Variants in CACNA1D observed in about 807,000 individuals in gnomAD.
CACNA1D encodes the protein voltage-dependent L-type calcium channel subunit alpha-1D.
CACNA1D carries 55 observed loss-of-function variants against 257.1 expected under a neutral mutation model. The ratio of observed to expected loss-of-function variants is 0.21; its 90% CI spans 0.17 to 0.27. CACNA1D has a LOEUF of 0.27. Among genes scored for constraint, CACNA1D ranks in the 10% least tolerant of loss-of-function variants. The pLI, the probability that CACNA1D is intolerant of heterozygous loss-of-function variation, is 1.00. For synonymous variants in CACNA1D, 980 were observed against 1,014.9 expected (o/e 0.97, Z 0.65); for missense variants, 1,876 against 2,784.0 (o/e 0.67, Z 7.34).
intron 3 of CACNA1D, among the ~76,000 whole-genome samples, chr3:53,583,356 G>A (rs2093163076): frequency 6.6e-6 from 1 of 152,016 alleles, no homozygotes; most frequent in Non-Finnish European, 1.5e-5. Flanking sequence ...GATAAGCCTT[G>A]GCATGTCCTG....
intron 8 of CACNA1D, among the ~76,000 whole-genome samples, chr3:53,700,093 TATA>T (rs1166283846): frequency 6.8e-6 from 1 of 148,084 alleles, no homozygotes; most frequent in Non-Finnish European, 1.5e-5. Flanking sequence ...AAAAATAAAA[TATA>T]ATTATATAAT....
intron 8 of CACNA1D, among the ~76,000 whole-genome samples, chr3:53,692,521 T>TA (rs945410577): frequency 1.3e-5 from 2 of 152,074 alleles, no homozygotes; most frequent in African/African-American, 4.8e-5. Context: ...CATGACCAGA[T>TA]AGGTGGTGCA....
chr3:53,650,665 G>T, intron 3 of CACNA1D, 114 bp from the exon 4 acceptor site: 1 of 1,094,380 alleles, frequency 9.1e-7, no homozygotes, highest in Non-Finnish European at 1.4e-6. Flanking sequence ...AACTTTGTTT[G>T]GAGGGAAATG....
Position 53,622,615 on chromosome 3 carries a change from T to A in CACNA1D, c.484-28164T>A, listed in dbSNP as rs187538447. ...AGGGCAACAACACACACTGGGTCCTTTTGGAGGTTGGAGGGTAGGGGGCGG... is the reference window on the plus strand; with the variant it reads ...AGGGCAACAACACACACTGGGTCCTATTGGAGGTTGGAGGGTAGGGGGCGG... On this transcript the variant is annotated intron_variant, in intron 3 of 47. Transcript: ENST00000350061. Among the ~76,000 whole-genome samples, 47 of 152,110 alleles carry A rather than the reference T, an allele frequency of 3.1e-4. No homozygotes were observed. The East Asian group carries it at 7.7e-3, about 25-fold the overall frequency.
At chr3:53,696,316 C>T (rs1038170764) in intron 8 of CACNA1D, among the ~76,000 whole-genome samples, 1 of 152,230 alleles carries the variant, frequency 6.6e-6, no homozygotes, top group African/African-American at 2.4e-5. Context: ...CCTTCTCCTT[C>T]CTCTGCTCCT....
chr3:53,621,034 C>T (rs2093691340), intron 3 of CACNA1D, among the ~76,000 whole-genome samples: 1 of 152,222 alleles, frequency 6.6e-6, no homozygotes, highest in Non-Finnish European at 1.5e-5. Flanking sequence ...AAACCTCAGA[C>T]ACAGCCTGAA....
chr3:53,697,435 G>A (rs989010584), intron 8 of CACNA1D, among the ~76,000 whole-genome samples: 1 of 152,226 alleles, frequency 6.6e-6, no homozygotes, highest in Admixed American at 6.5e-5. Flanking sequence ...GAAATGGACA[G>A]ACAACATTGT....
At chr3:53,612,424 C>T (rs1366403928) in intron 3 of CACNA1D, among the ~76,000 whole-genome samples, 1 of 152,168 alleles carries the variant, frequency 6.6e-6, no homozygotes, top group Non-Finnish European at 1.5e-5. Context: ...TTAGGATCAC[C>T]TTTTAGGGTC....
chr3:53,594,334 C>T (rs1025105594), intron 3 of CACNA1D, among the ~76,000 whole-genome samples: 1 of 152,180 alleles, frequency 6.6e-6, no homozygotes, highest in Non-Finnish European at 1.5e-5. Context: ...ATTACTGAGA[C>T]TAGAGTCAGG....
At position 53,803,513 on chromosome 3, in the gene CACNA1D, G is replaced by C. The variant is rs770455418; in HGVS notation, c.5526G>C (p.Glu1842Asp). The C allele has an allele frequency of 6.2e-7, 1 of 1,613,870 alleles. No individual in the cohort carries two copies. The highest frequency in any genetic ancestry group is 8.5e-7 in the Non-Finnish European group (1 of 1,179,716). The stretch of plus-strand genomic sequence containing the variant: ...TCAGGGACCCCCACTGCTTGGGGGA[G>C]CAGGAGTATTTCAGTAGTGAGGAAT... Reference protein sequence around the residue: ...GYFRDPHCLGEQEYFSSEECY... With the variant: ...GYFRDPHCLGDQEYFSSEECY... The change falls in exon 44 of 48, where the codon GAG (glutamate) becomes GAC (aspartate). Residue 1842 changes from glutamate (E) to aspartate (D), a missense_variant. Physicochemically the swap from Glu to Asp is conservative, Grantham distance 45 (BLOSUM62 2). Coordinates refer to ENST00000350061, the MANE Select transcript of CACNA1D (RefSeq NM_001128840.3).
chr3:53,770,391 A>G (rs897118140), intron 31 of CACNA1D, 33 bp from the exon 32 acceptor site: 2 of 1,609,304 alleles, frequency 1.2e-6, no homozygotes, highest in Non-Finnish European at 1.7e-6. Flanking sequence ...TCTACTTTCC[A>G]TTGGGTTTGA....
intron 3 of CACNA1D, among the ~76,000 whole-genome samples, chr3:53,566,060 T>C (rs941628701): frequency 8.5e-5 from 13 of 152,234 alleles, no homozygotes; most frequent in African/African-American, 3.1e-4. Flanking sequence ...CCTTTTCCAA[T>C]CTGGGTGGCC....
At chr3:53,710,304 G>C (rs919426746) in intron 9 of CACNA1D, 4 of 433,022 alleles carry the variant, frequency 9.2e-6, no homozygotes, top group Admixed American at 7.4e-5. Context: ...AGGCAACCTG[G>C]CTGGCAGGGC....
chr3:53,703,546 C>T (rs1244290111), intron 9 of CACNA1D, among the ~76,000 whole-genome samples: 1 of 152,196 alleles, frequency 6.6e-6, no homozygotes, highest in East Asian at 1.9e-4. Context: ...CCCTTTGTGC[C>T]TCGGGTCAGA....
chr3:53,526,354 A>T (rs1313636161), intron 3 of CACNA1D, among the ~76,000 whole-genome samples: 1 of 152,166 alleles, frequency 6.6e-6, no homozygotes, highest in Non-Finnish European at 1.5e-5. Flanking sequence ...GGACAGCCTG[A>T]ACTTGGGGCT....
At chr3:53,713,105 G>A (rs779051676) in intron 9 of CACNA1D, among the ~76,000 whole-genome samples, 13 of 152,178 alleles carry the variant, frequency 8.5e-5, no homozygotes, top group African/African-American at 1.7e-4. Flanking sequence ...CCTGAGGGTG[G>A]TGGGCAGGGG....
At position 53,751,129 on chromosome 3, in the gene CACNA1D, C is replaced by A. The variant is rs985471993; in HGVS notation, c.3517-620C>A. Among the ~76,000 whole-genome samples the A allele has an allele frequency of 2.0e-5, 3 of 152,210 alleles. No homozygotes were observed. The highest frequency in any genetic ancestry group is 4.4e-5 in the Non-Finnish European group (3 of 68,032). On this transcript the variant is annotated intron_variant, in intron 27 of 47. Coordinates refer to ENST00000350061, the MANE Select transcript of CACNA1D (RefSeq NM_001128840.3). The surrounding 1 kb of genome is among the most constrained non-coding windows in gnomAD (Gnocchi z 4.3). ...AAATGAACACAACAAGCTCCCCAGCCCAGAAGCTCCCCGATGGACATGTGG... is the reference window on the plus strand; with the variant it reads ...AAATGAACACAACAAGCTCCCCAGCACAGAAGCTCCCCGATGGACATGTGG...
At chr3:53,783,944 G>A (rs781629236) in intron 39 of CACNA1D, among the ~76,000 whole-genome samples, 3 of 152,220 alleles carry the variant, frequency 2.0e-5, no homozygotes, top group African/African-American at 7.2e-5. Flanking sequence ...AAGTGGCTGG[G>A]ACTGGCAGAT....
intron 3 of CACNA1D, among the ~76,000 whole-genome samples, chr3:53,602,762 C>T (rs1217013710): frequency 2.0e-5 from 3 of 152,198 alleles, no homozygotes; most frequent in Non-Finnish European, 2.9e-5. Flanking sequence ...TGAGAAACAT[C>T]TATACAGATC....
Sources: gnomAD v4.1 joint callset for allele counts (sites outside exome capture counted in the v4.1 genomes callset) on GRCh38, gnomAD v4.1.1 for gene constraint, Gnocchi (gnomAD v3.1) non-coding constraint, MANE v1.5 for transcripts, NCBI Gene and HGNC (gene_info 2026-07-23, HGNC 2026-07-21) for gene names.